DNM3: variants seen among roughly 807,000 people sequenced by gnomAD.
DNM3 encodes the protein dynamin-3.
A neutral mutation model predicts 101.6 loss-of-function variants in DNM3; 47 were observed. The ratio of observed to expected loss-of-function variants is 0.46; its 90% CI spans 0.37 to 0.59. The LOEUF is 0.59. DNM3 is among the 20% of genes least tolerant of loss of function. DNM3 has a pLI of 0.00. For missense variants in DNM3, 849 were observed against 1,085.7 expected (o/e 0.78, Z 3.06); for synonymous variants, 385 against 387.9 (o/e 0.99, Z 0.09).
intron 2 of DNM3, among the ~76,000 whole-genome samples, chr1:171,972,640 G>A (rs775700590): frequency 3.3e-5 from 5 of 152,076 alleles, no homozygotes; most frequent in African/African-American, 4.8e-5. Flanking sequence ...ACCTGAGATC[G>A]GGAGGTTGAG....
At chr1:171,949,655 G>A (rs539646618) in intron 2 of DNM3, among the ~76,000 whole-genome samples, 5 of 151,598 alleles carry the variant, frequency 3.3e-5, no homozygotes, top group Admixed American at 6.6e-5. Flanking sequence ...GGCTCAAGCC[G>A]TTCTCCTGTC....
intron 7 of DNM3, among the ~76,000 whole-genome samples, chr1:172,041,403 A>G (rs1572217205): frequency 6.6e-6 from 1 of 152,268 alleles, no homozygotes; most frequent in East Asian, 1.9e-4. Flanking sequence ...AGTGAAAGAA[A>G]TTGAGAGGTT....
chr1:172,409,459 C>A lies in DNM3; in HGVS notation c.*1618C>A, dbSNP rs188904438. 144 of 984,054 alleles carry A rather than the reference C, an allele frequency of 1.5e-4. No homozygotes were observed. The African/African-American group carries it at 2.4e-3, about 16-fold the overall frequency. 61.0% of individuals were successfully genotyped at this position (984,054 alleles called of 1,614,324 possible). On this transcript the variant is annotated 3_prime_UTR_variant, in exon 21 of 21. Coordinates refer to ENST00000627582, the MANE Select transcript of DNM3 (RefSeq NM_015569.5). ...ACTTATTCTAAAGGCTTATGCTAAC[C>A]CATTTATAATTGGTAAAAATCAGAA...
intron 13 of DNM3, among the ~76,000 whole-genome samples, chr1:172,124,416 G>A (rs1020779721): frequency 6.6e-6 from 1 of 152,174 alleles, no homozygotes; most frequent in Admixed American, 6.5e-5. Flanking sequence ...TACCCACCAG[G>A]ATATTTTTTA....
chr1:172,144,757 AG>A (rs1200006385), intron 14 of DNM3: 2 of 343,834 alleles, frequency 5.8e-6, no homozygotes, highest in Admixed American at 3.7e-5. Context: ...GACACACTCA[AG>A]GGCTGTGATT....
intron 14 of DNM3, among the ~76,000 whole-genome samples, chr1:172,164,944 C>G (rs2058694458): frequency 6.6e-6 from 1 of 152,046 alleles, no homozygotes; most frequent in Non-Finnish European, 1.5e-5. Flanking sequence ...GCAAGCATGC[C>G]TCCTGTTTAT....
chr1:172,097,109 T>C (rs2054294739), intron 13 of DNM3, among the ~76,000 whole-genome samples: 2 of 151,802 alleles, frequency 1.3e-5, no homozygotes, highest in South Asian at 4.2e-4. Context: ...GAGCAGAAGG[T>C]GCTGATTTAG....
At chr1:172,274,336 T>G (rs971873964) in intron 15 of DNM3, among the ~76,000 whole-genome samples, 2 of 152,014 alleles carry the variant, frequency 1.3e-5, no homozygotes. Context: ...ATGAAGATGC[T>G]AGAAATGTGT....
At chr1:171,850,267 T>C (rs2032772582) in intron 1 of DNM3, among the ~76,000 whole-genome samples, 1 of 152,238 alleles carries the variant, frequency 6.6e-6, no homozygotes, top group African/African-American at 2.4e-5. Flanking sequence ...ATTCATATTC[T>C]GATTTGATTG....
intron 1 of DNM3, among the ~76,000 whole-genome samples, chr1:171,842,369 C>G (rs973084053): frequency 7.9e-5 from 12 of 152,164 alleles, no homozygotes; most frequent in African/African-American, 2.9e-4. Flanking sequence ...TTGCCTGCCT[C>G]TAGCTGGGGA....
At chr1:172,138,843 T>G (rs1166312353) in intron 14 of DNM3, 1 of 475,344 alleles carries the variant, frequency 2.1e-6, no homozygotes, top group Admixed American at 2.3e-5. Flanking sequence ...GCTGTACAGG[T>G]GAGCGGATGT....
chr1:172,129,844 G>T (rs2056839541), intron 13 of DNM3, among the ~76,000 whole-genome samples: 1 of 152,152 alleles, frequency 6.6e-6, no homozygotes, highest in African/African-American at 2.4e-5. Flanking sequence ...TTGAGTATTA[G>T]TCTGTTCTTT....
intron 10 of DNM3, among the ~76,000 whole-genome samples, chr1:172,049,423 T>C (rs2050048955): frequency 2.6e-5 from 4 of 152,200 alleles, no homozygotes; most frequent in Non-Finnish European, 5.9e-5. Flanking sequence ...CAATAAATGG[T>C]GGCTGATCCA....
intron 14 of DNM3, among the ~76,000 whole-genome samples, chr1:172,147,030 A>C (rs1050744432): frequency 2.0e-5 from 3 of 152,112 alleles, no homozygotes; most frequent in Non-Finnish European, 2.9e-5. Flanking sequence ...ATAGAAATTG[A>C]GTTCCCCTTA....
chr1:171,885,002 C>G (rs1055128058), intron 1 of DNM3, among the ~76,000 whole-genome samples: 1 of 152,156 alleles, frequency 6.6e-6, no homozygotes. Flanking sequence ...ATCTCTAGAT[C>G]CTATCATGTT....
intron 17 of DNM3, among the ~76,000 whole-genome samples, chr1:172,333,719 T>C (rs1363555397): frequency 6.6e-6 from 1 of 152,096 alleles, no homozygotes; most frequent in Non-Finnish European, 1.5e-5. Flanking sequence ...TAAATAAGGG[T>C]TCAGAAAATA....
At chr1:172,008,824 T>C (rs1158309530) in intron 4 of DNM3, among the ~76,000 whole-genome samples, 1 of 138,926 alleles carries the variant, frequency 7.2e-6, no homozygotes, top group Non-Finnish European at 1.5e-5. Context: ...TATTAATATG[T>C]ATTATATAAT....
At chr1:172,263,148 G>A (rs1466668421) in intron 15 of DNM3, among the ~76,000 whole-genome samples, 1 of 152,136 alleles carries the variant, frequency 6.6e-6, no homozygotes, top group African/African-American at 2.4e-5. Flanking sequence ...CTATGTTCCT[G>A]ATTTCTTCTA....
intron 6 of DNM3, among the ~76,000 whole-genome samples, chr1:172,036,055 G>A: frequency 6.7e-6 from 1 of 148,944 alleles, no homozygotes; most frequent in Non-Finnish European, 1.5e-5. Context: ...TGCACAATCT[G>A]CAGGTTAGTT....
Sources: allele counts gnomAD v4.1 joint callset (sites outside exome capture counted in the v4.1 genomes callset), GRCh38; gene constraint gnomAD v4.1.1; transcripts MANE v1.5; gene names NCBI Gene and HGNC (gene_info 2026-07-23, HGNC 2026-07-21).